Variants in CHDH observed in about 807,000 individuals in gnomAD.
The protein encoded by CHDH is choline dehydrogenase, mitochondrial.
A neutral mutation model predicts 56.9 loss-of-function variants in CHDH; 43 were observed. The ratio of observed to expected loss-of-function variants is 0.76; its 90% CI spans 0.59 to 0.97. CHDH has a LOEUF of 0.97. Ranked by LOEUF, CHDH falls within the 50% of genes least tolerant of loss-of-function variation. CHDH has a pLI of 0.00. For missense variants in CHDH, 816 were observed against 821.1 expected (o/e 0.99, Z 0.08); for synonymous variants, 364 against 348.5 (o/e 1.04, Z -0.50).
In CHDH at chr3:53,820,572, T is replaced by C. The variant is rs200830769; in HGVS notation, c.1022A>G (p.Tyr341Cys). 6 of 1,614,046 alleles carry C rather than the reference T, an allele frequency of 3.7e-6. No homozygotes were observed. The highest frequency in any genetic ancestry group is 1.7e-6 in the Non-Finnish European group (2 of 1,179,946). The change falls in exon 6 of 9, where the codon TAC becomes TGC. Residue 341 changes from tyrosine (Y) to cysteine (C), a missense_variant. Transcript: ENST00000315251. ...GQNLQDHLEIYIQQACTRPIT... is the reference protein window; with the variant it reads ...GQNLQDHLEICIQQACTRPIT... The stretch of plus-strand genomic sequence containing the variant: ...AGGGCGGGTGCATGCCTGCTGAATG[T>C]AGATCTCCAGGTGGTCTTGCAGGTT...
At chr3:53,823,277 T>G in intron 3 of CHDH, 29 bp downstream of exon 3, 1 of 1,473,770 alleles carries the variant, frequency 6.8e-7, no homozygotes, top group Non-Finnish European at 9.0e-7. Flanking sequence ...GGGGTAGTGC[T>G]TTTTTAAAAA....
In CHDH at chr3:53,812,722, T is replaced by A. The variant is rs1386317355; in HGVS notation, c.*5055A>T. 6.6e-6 allele frequency: 1 copy of A among 152,160 alleles called. No homozygotes were observed. Among genetic ancestry groups the A allele is most frequent in the Non-Finnish European group, 1.5e-5 (1 of 68,040 alleles). The allele number at this position is 152,160 out of a possible 1,614,324, so 9.4% of individuals were successfully genotyped here. ...GCTGGTGCAGAAATGCATAGGTGGATGAGATATAGCTGCTCTTGTCCTCTG... is the reference window on the plus strand; with the variant it reads ...GCTGGTGCAGAAATGCATAGGTGGAAGAGATATAGCTGCTCTTGTCCTCTG... On this transcript the variant is annotated 3_prime_UTR_variant, in exon 9 of 9. Coordinates refer to ENST00000315251, the MANE Select transcript of CHDH (RefSeq NM_018397.5).
chr3:53,844,267 C>G (rs182936790), intron 1 of CHDH, among the ~76,000 whole-genome samples: 1 of 152,184 alleles, frequency 6.6e-6, no homozygotes, highest in Non-Finnish European at 1.5e-5. Flanking sequence ...AGCTCAGCCA[C>G]CTCCAGACCA....
Position 53,817,855 on chromosome 3 carries a change from G to C in CHDH, c.1707C>G (p.Asp569Glu). The C allele has an allele frequency of 6.2e-7, 1 of 1,614,218 alleles. No individual in the cohort carries two copies. The highest frequency in any genetic ancestry group is 8.5e-7 in the Non-Finnish European group (1 of 1,180,040). ...AGAGTGCAGGCTGCCCCTTGATAAT[G>C]TCAGCTGCCTTCTCTGCGATCATGA... ...PTIMIAEKAADIIKGQPALWD... is the reference protein window; with the variant it reads ...PTIMIAEKAAEIIKGQPALWD... Residue 569 changes from aspartate to glutamate, a missense_variant, in exon 9 of 9, where the codon GAC becomes GAG. Transcript: ENST00000315251.
chr3:53,841,193 AAC>A (rs1320492132), intron 1 of CHDH, among the ~76,000 whole-genome samples, 194 bp from the exon 2 acceptor site: 3 of 152,178 alleles, frequency 2.0e-5, no homozygotes, highest in African/African-American at 4.8e-5. Context: ...AAATTTTAAA[AAC>A]AGTCATCTAG....
At chr3:53,838,443 T>A (rs1467067650) in intron 2 of CHDH, among the ~76,000 whole-genome samples, 1 of 152,086 alleles carries the variant, frequency 6.6e-6, no homozygotes, top group Non-Finnish European at 1.5e-5. Flanking sequence ...CCTGGGTGAG[T>A]GGCATCTGCA....
chr3:53,843,734 C>T (rs62250940), intron 1 of CHDH, among the ~76,000 whole-genome samples: 1 of 152,110 alleles, frequency 6.6e-6, no homozygotes, highest in South Asian at 2.1e-4. Flanking sequence ...GAAACCCAGA[C>T]CTAGCAGAAT....
intron 2 of CHDH, among the ~76,000 whole-genome samples, chr3:53,835,920 C>A (rs1359848798): frequency 1.3e-5 from 2 of 152,158 alleles, no homozygotes; most frequent in African/African-American, 4.8e-5. Flanking sequence ...GGCTGGGACC[C>A]CCTCCACCAC....
chr3:53,823,871 C>T lies in CHDH; in HGVS notation c.138G>A (p.Val46=). The T allele has an allele frequency of 6.3e-7, 1 of 1,591,858 alleles. No homozygotes were observed. ...ESRDEYSYVV[V]GAGSAGCVLA... ...GCACGCAGCCCGCCGAGCCCGCGCCCACCACCACATAGCTGTACTCGTCCC... is the reference window on the plus strand; with the variant it reads ...GCACGCAGCCCGCCGAGCCCGCGCCTACCACCACATAGCTGTACTCGTCCC... Residue 46 remains valine, a synonymous_variant, in exon 3 of 9, where the codon GTG becomes GTA. Coordinates refer to ENST00000315251, the MANE Select transcript of CHDH (RefSeq NM_018397.5).
Position 53,823,581 on chromosome 3 carries a change from T to C in CHDH, c.428A>G (p.His143Arg). The C allele has an allele frequency of 1.3e-6, 2 of 1,543,584 alleles. No homozygotes were observed. The highest frequency in any genetic ancestry group is 1.7e-6 in the Non-Finnish European group (2 of 1,146,280). Residue 143 changes from histidine to arginine, a missense_variant, in exon 3 of 9, where the codon CAC becomes CGC. His to Arg is a conservative substitution (Grantham distance 29). Coordinates refer to ENST00000315251, the MANE Select transcript of CHDH (RefSeq NM_018397.5). ...SLNAMVYVRGHAEDYERWQRQ... is the reference protein window; with the variant it reads ...SLNAMVYVRGRAEDYERWQRQ... Reference sequence around the variant, plus strand: ...CTGCCAGCGCTCGTAGTCCTCGGCGTGCCCACGGACGTAGACCATGGCATT... The same window carrying C: ...CTGCCAGCGCTCGTAGTCCTCGGCGCGCCCACGGACGTAGACCATGGCATT...
Position 53,817,472 on chromosome 3 carries a change from A to T in CHDH, c.*305T>A. 1 of 363,472 alleles carries T rather than the reference A, an allele frequency of 2.8e-6. No individual in the cohort carries two copies. Among genetic ancestry groups the T allele is most frequent in the South Asian group, 5.9e-5 (1 of 16,866 alleles). The allele number at this position is 363,472 out of a possible 1,614,324, so 22.5% of individuals were successfully genotyped here. On this transcript the variant is annotated 3_prime_UTR_variant, in exon 9 of 9. Transcript: ENST00000315251. Reference sequence around the variant, plus strand: ...AGAATGCCACGTGAACACAAGAAAAAGGATGCGGCAGGAGTTAACCATCCT... The same window carrying T: ...AGAATGCCACGTGAACACAAGAAAATGGATGCGGCAGGAGTTAACCATCCT...
At chr3:53,837,369 G>A (rs569706320) in intron 2 of CHDH, among the ~76,000 whole-genome samples, 24 of 152,224 alleles carry the variant, frequency 1.6e-4, no homozygotes, top group African/African-American at 2.4e-4. Context: ...CTGGCTGCTC[G>A]GGCGTAGCCC....
In CHDH at chr3:53,823,229, C is replaced by G. The variant is rs1000412172; in HGVS notation, c.703+77G>C. 2.2e-6 allele frequency: 3 copies of G among 1,349,612 alleles called. No individual in the cohort carries two copies. In the African/African-American group the frequency reaches 4.5e-5, roughly 20 times the overall value. 83.6% of individuals were successfully genotyped at this position (1,349,612 alleles called of 1,614,324 possible). ...TCCTGACCATGCTGGAGCCAGGAGC[C>G]TGGAGCCACGGGCCAAGATGGGTGG... On this transcript the variant is annotated intron_variant, in intron 3 of 8. Coordinates refer to ENST00000315251, the MANE Select transcript of CHDH (RefSeq NM_018397.5).
chr3:53,820,724 T>G (rs2095624691), intron 5 of CHDH, 116 bp from the exon 6 acceptor site: 2 of 1,297,250 alleles, frequency 1.5e-6, no homozygotes, highest in African/African-American at 1.5e-5. Flanking sequence ...GACCAGCTCC[T>G]GCTCAGTTCC....
At position 53,819,662 on chromosome 3, in the gene CHDH, GT is replaced by G. The variant is rs1559747810; in HGVS notation, c.1132del (p.Thr378LeufsTer30). 6.2e-7 allele frequency: 1 copy of G among 1,605,258 alleles called. No homozygotes were observed. The highest frequency in any genetic ancestry group is 1.7e-5 in the Admixed American group (1 of 59,262). On this transcript the variant is annotated frameshift_variant, in exon 7 of 9. Coordinates refer to ENST00000315251, the MANE Select transcript of CHDH (RefSeq NM_018397.5). LOFTEE classifies it high-confidence loss of function. The surrounding 1 kb of genome is among the most constrained non-coding windows in gnomAD (Gnocchi z 5.4). ...WLWKFTGEGA[T>X]AHLETGGFIR... is the part of the protein sequence containing the mutation. ...GAACCCACCTGTTTCCAGATGGGCA[GT>G]GGCTCCCTCCCCTGAGAAGCAGAAG...
intron 2 of CHDH, among the ~76,000 whole-genome samples, chr3:53,829,774 A>G (rs1698277655): frequency 6.6e-6 from 1 of 152,194 alleles, no homozygotes; most frequent in African/African-American, 2.4e-5. Flanking sequence ...CTCCCTAACT[A>G]TAATAATAAC....
chr3:53,837,507 G>A (rs998177460), intron 2 of CHDH, among the ~76,000 whole-genome samples: 6 of 152,242 alleles, frequency 3.9e-5, no homozygotes, highest in African/African-American at 1.4e-4. Context: ...AGGCCGCACC[G>A]TGTGACCCAG....
rs1469534673 is a variant in CHDH at position 53,823,555 on chromosome 3, G to A, written c.454C>T (p.Arg152Cys). The A allele has an allele frequency of 8.4e-6, 13 of 1,542,400 alleles. No individual in the cohort carries two copies. The highest frequency in any genetic ancestry group is 2.2e-4 in the Middle Eastern group (1 of 4,588). The stretch of plus-strand genomic sequence containing the variant: ...TAGTCCCAGCCGCGGGCGCCCTGGC[G>A]CTGCCAGCGCTCGTAGTCCTCGGCG... ...GHAEDYERWQ[R>C]QGARGWDYAH... The change falls in exon 3 of 9, where the codon CGC becomes TGC. Residue 152 changes from arginine to cysteine, a missense_variant. Transcript: ENST00000315251.
At chr3:53,818,433 G>A (rs570831962) in intron 8 of CHDH, among the ~76,000 whole-genome samples, 1 of 152,184 alleles carries the variant, frequency 6.6e-6, no homozygotes, top group Non-Finnish European at 1.5e-5. Context: ...AGAGGCCCAG[G>A]TTTAAATCAG....
Sources: gnomAD v4.1 joint callset for allele counts (sites outside exome capture counted in the v4.1 genomes callset) on GRCh38, gnomAD v4.1.1 for gene constraint, Gnocchi (gnomAD v3.1) non-coding constraint, MANE v1.5 for transcripts, NCBI Gene and HGNC (gene_info 2026-07-23, HGNC 2026-07-21) for gene names.